SPOCK3: variants seen among roughly 807,000 people sequenced by gnomAD.
SPOCK3 encodes testican-3.
Under a neutral mutation model 56.6 loss-of-function variants are expected in SPOCK3, and 30 were observed. The observed-to-expected ratio is 0.53, with a 90% CI of 0.40 to 0.72. The LOEUF (loss-of-function observed/expected upper bound fraction) is 0.72. Among genes scored for constraint, SPOCK3 ranks in the 30% least tolerant of loss-of-function variants. The probability of loss-of-function intolerance (pLI) is 0.00; values close to 1 mark genes in which losing one functional copy is unlikely to be tolerated. For synonymous variants in SPOCK3, 196 were observed against 183.3 expected, an observed-to-expected ratio of 1.07 and a Z score of -0.56; for missense variants, 527 against 530.0, an observed-to-expected ratio of 0.99 and a Z score of 0.06.
intron 4 of SPOCK3, among the ~76,000 whole-genome samples, chr4:166,975,278 G>T (rs1561074533): frequency 6.6e-6 from 1 of 152,100 alleles, no homozygotes; most frequent in African/African-American, 2.4e-5. Flanking sequence ...GTATAATTTG[G>T]AATATAAGTC....
At chr4:166,907,983 T>C (rs553811474) in intron 5 of SPOCK3, among the ~76,000 whole-genome samples, 2 of 151,966 alleles carry the variant, frequency 1.3e-5, no homozygotes, top group African/African-American at 2.4e-5. Flanking sequence ...AATCAAATGA[T>C]CTCAGCTCTA....
Position 166,856,699 on chromosome 4 carries a change from G to A in SPOCK3, c.589+32431C>T, listed in dbSNP as rs545722668. On this transcript the variant is annotated intron_variant, in intron 6 of 10. Coordinates refer to ENST00000357545, the MANE Select transcript of SPOCK3 (RefSeq NM_001040159.2). ...TGAGGCAGGAGAATTGCTTGAACCC[G>A]GGAGGCGGAGGTTGCATTGAGCCGA... Among the ~76,000 whole-genome samples the A allele has an allele frequency of 6.6e-5, 10 of 152,096 alleles. No homozygotes were observed. The East Asian group carries it at 1.2e-3, about 18-fold the overall frequency.
intron 8 of SPOCK3, among the ~76,000 whole-genome samples, chr4:166,748,055 A>G (rs1735879950): frequency 6.6e-6 from 1 of 152,016 alleles, no homozygotes; most frequent in Non-Finnish European, 1.5e-5. Flanking sequence ...AAATGGCCTT[A>G]CTGCCCAAGG....
chr4:166,872,049 CAAACAT>C lies in SPOCK3; in HGVS notation c.589+17075_589+17080del, dbSNP rs200806393. Among the ~76,000 whole-genome samples the C allele has an allele frequency of 6.7e-4, 16 of 24,052 alleles. No homozygotes were observed. In the East Asian group the frequency reaches 0.013, roughly 19 times the overall value. The allele number at this position is 24,052 out of a possible 152,430, so 15.8% of individuals were successfully genotyped here. A position where few individuals can be genotyped will look rare whatever the true frequency, so the allele number is the denominator to read the frequency against. ...AAGGGCACACACACACACAAACACACAAACATACACACACACACACACACACATATA... is the reference window on the plus strand; with the variant it reads ...AAGGGCACACACACACACAAACACACACACACACACACACACACACATATA... On this transcript the variant is annotated intron_variant, in intron 6 of 10. Transcript: ENST00000357545.
At chr4:166,815,649 G>T (rs1744305452) in intron 6 of SPOCK3, among the ~76,000 whole-genome samples, 1 of 151,858 alleles carries the variant, frequency 6.6e-6, no homozygotes, top group Non-Finnish European at 1.5e-5. Context: ...GCTTGGTGGT[G>T]GGCACCTATA....
intron 8 of SPOCK3, among the ~76,000 whole-genome samples, chr4:166,750,123 C>T (rs113930870): frequency 6.6e-6 from 1 of 152,084 alleles, no homozygotes; most frequent in Non-Finnish European, 1.5e-5. Flanking sequence ...AAAATCATGA[C>T]TGATTGGATT....
chr4:167,117,229 A>G (rs1049953957), intron 2 of SPOCK3, among the ~76,000 whole-genome samples: 1 of 152,118 alleles, frequency 6.6e-6, no homozygotes, highest in Admixed American at 6.6e-5. Flanking sequence ...TAAAAATTTA[A>G]AAAAGAGGAA....
At chr4:167,056,575 A>G (rs930890492) in intron 3 of SPOCK3, among the ~76,000 whole-genome samples, 5 of 152,184 alleles carry the variant, frequency 3.3e-5, no homozygotes, top group African/African-American at 1.2e-4. Flanking sequence ...AATAACCAAT[A>G]CAGAGAAGTA....
intron 6 of SPOCK3, among the ~76,000 whole-genome samples, chr4:166,877,316 C>T (rs1733199667): frequency 6.6e-6 from 1 of 152,106 alleles, no homozygotes; most frequent in Non-Finnish European, 1.5e-5. Context: ...TCTCTGGTAT[C>T]ATTGAACATT....
At chr4:166,870,047 C>A (rs1008475182) in intron 6 of SPOCK3, among the ~76,000 whole-genome samples, 1 of 151,968 alleles carries the variant, frequency 6.6e-6, no homozygotes, top group African/African-American at 2.4e-5. Context: ...CTCCACATGA[C>A]CCTGGAAGAA....
chr4:166,856,800 C>CTATCTATCTAGA (rs879697482), intron 6 of SPOCK3, among the ~76,000 whole-genome samples: 301 of 151,512 alleles, frequency 2.0e-3, no homozygotes, highest in Admixed American at 9.0e-3. Flanking sequence ...ATCTATCTAT[C>CTATCTATCTAGA]TATCTATCTA....
chr4:167,174,436 G>GGAA (rs568434403), intron 2 of SPOCK3, among the ~76,000 whole-genome samples: 2 of 144,574 alleles, frequency 1.4e-5, no homozygotes, highest in African/African-American at 5.0e-5. Context: ...CTAAAATTTT[G>GGAA]AAAAAAAAAA....
At chr4:166,914,982 A>T (rs1452049270) in intron 4 of SPOCK3, among the ~76,000 whole-genome samples, 1 of 152,062 alleles carries the variant, frequency 6.6e-6, no homozygotes, top group South Asian at 2.1e-4. Flanking sequence ...TGAGTGTATC[A>T]ATAAAAATGG....
intron 2 of SPOCK3, among the ~76,000 whole-genome samples, chr4:167,192,148 T>C (rs1348157770): frequency 6.8e-6 from 1 of 146,172 alleles, no homozygotes; most frequent in Non-Finnish European, 1.5e-5. Context: ...TCATAGTATA[T>C]GGTCCTTTTC....
intron 2 of SPOCK3, among the ~76,000 whole-genome samples, chr4:167,221,848 A>T (rs530078193): frequency 5.9e-5 from 9 of 152,302 alleles, no homozygotes; most frequent in African/African-American, 2.2e-4. Flanking sequence ...ACCCTTATCC[A>T]TTGTGAGTAG....
intron 2 of SPOCK3, among the ~76,000 whole-genome samples, chr4:167,099,199 C>T (rs1006904041): frequency 1.3e-5 from 2 of 151,550 alleles, no homozygotes; most frequent in African/African-American, 2.4e-5. Context: ...TTGTGAATCT[C>T]GGTTAATGTA....
intron 4 of SPOCK3, among the ~76,000 whole-genome samples, chr4:166,975,084 C>T (rs190315755): frequency 6.6e-6 from 1 of 152,236 alleles, no homozygotes; most frequent in African/African-American, 2.4e-5. Context: ...TCCTGTGATG[C>T]TTTTGTCCAT....
intron 4 of SPOCK3, among the ~76,000 whole-genome samples, chr4:166,929,100 G>C (rs1019728109): frequency 6.6e-6 from 1 of 152,166 alleles, no homozygotes; most frequent in Non-Finnish European, 1.5e-5. Flanking sequence ...TCTGCAATGT[G>C]TGGGGGCAGT....
chr4:167,073,363 C>T (rs983997227), intron 2 of SPOCK3, among the ~76,000 whole-genome samples: 1 of 151,656 alleles, frequency 6.6e-6, no homozygotes. Context: ...CAACTAAATA[C>T]TGTATAAAAT....
Sources: allele counts gnomAD v4.1 joint callset (sites outside exome capture counted in the v4.1 genomes callset), GRCh38; gene constraint gnomAD v4.1.1; transcripts MANE v1.5; gene names NCBI Gene and HGNC (gene_info 2026-07-23, HGNC 2026-07-21).